Variants in UNC13C observed in about 807,000 individuals in gnomAD.
UNC13C encodes the protein protein unc-13 homolog C.
In UNC13C, 174 loss-of-function variants were observed where a neutral mutation model predicts 245.4. The ratio of observed to expected loss-of-function variants is 0.71; its 90% CI spans 0.63 to 0.80. The LOEUF (loss-of-function observed/expected upper bound fraction) is 0.80. UNC13C is among the 30% of genes least tolerant of loss of function. The probability of loss-of-function intolerance (pLI) is 0.00; values close to 1 mark genes in which losing one functional copy is unlikely to be tolerated. For missense variants in UNC13C, 2,829 were observed against 2,602.9 expected, an observed-to-expected ratio of 1.09 and a Z score of -1.89; for synonymous variants, 992 against 895.1, an observed-to-expected ratio of 1.11 and a Z score of -1.93.
chr15:54,050,054 C>T (rs1193164908), intron 2 of UNC13C: 1 of 307,574 alleles, frequency 3.3e-6, no homozygotes, highest in African/African-American at 2.2e-5. Flanking sequence ...ACTGCAACCT[C>T]CGCCTCCCAG....
intron 13 of UNC13C, among the ~76,000 whole-genome samples, chr15:54,319,232 A>G (rs1212396013): frequency 1.3e-5 from 2 of 150,384 alleles, no homozygotes; most frequent in Non-Finnish European, 3.0e-5. Context: ...TAGGCATTAC[A>G]TTTTCCACAA....
chr15:54,266,721 C>T (rs1385662732), intron 10 of UNC13C, among the ~76,000 whole-genome samples: 2 of 151,982 alleles, frequency 1.3e-5, no homozygotes, highest in African/African-American at 4.8e-5. Context: ...CATATGTGTA[C>T]CTCCTGTCAC....
At chr15:54,364,260 A>G (rs554358120) in intron 17 of UNC13C, among the ~76,000 whole-genome samples, 1 of 151,172 alleles carries the variant, frequency 6.6e-6, no homozygotes, top group East Asian at 2.0e-4. Flanking sequence ...CAAGTGAATT[A>G]GGTAGTCATC....
intron 19 of UNC13C, among the ~76,000 whole-genome samples, chr15:54,479,750 A>T (rs1303215153): frequency 6.6e-6 from 1 of 151,704 alleles, no homozygotes; most frequent in East Asian, 1.9e-4. Context: ...CTACTAGTAA[A>T]TTTTATACTT....
intron 4 of UNC13C, among the ~76,000 whole-genome samples, chr15:54,157,150 T>C (rs1275104699): frequency 1.3e-5 from 2 of 152,226 alleles, no homozygotes; most frequent in African/African-American, 4.8e-5. Flanking sequence ...GTGAATAATG[T>C]CTTTGCTTTT....
At chr15:53,841,262 T>A in the UNC13C span, among the ~76,000 whole-genome samples, 3 of 152,156 alleles carry the variant, frequency 2.0e-5, no homozygotes, top group African/African-American at 7.2e-5. Flanking sequence ...GAGCTAGGAT[T>A]TAATACCAGT....
chr15:54,231,429 G>A (rs181568707), intron 4 of UNC13C, among the ~76,000 whole-genome samples: 20 of 152,108 alleles, frequency 1.3e-4, no homozygotes, highest in African/African-American at 3.9e-4. Context: ...GTCATAAACT[G>A]TGGGCTCAAA....
chr15:54,411,160 T>A (rs916534440), intron 18 of UNC13C, among the ~76,000 whole-genome samples: 3 of 152,234 alleles, frequency 2.0e-5, no homozygotes, highest in African/African-American at 4.8e-5. Flanking sequence ...GAAGTGTCAT[T>A]CAAATCATTT....
At chr15:54,624,012 C>T in intron 32 of UNC13C, 58 bp downstream of exon 32, 6 of 1,597,028 alleles carry the variant, frequency 3.8e-6, no homozygotes. Context: ...TACAGCTGAC[C>T]TTACTGAGGG....
intron 4 of UNC13C, among the ~76,000 whole-genome samples, chr15:54,220,506 T>A (rs2035191001): frequency 6.7e-6 from 1 of 149,576 alleles, no homozygotes; most frequent in African/African-American, 2.5e-5. Flanking sequence ...AAATGACGAG[T>A]TAATGGGTGC....
chr15:54,104,813 T>A (rs1317814251), intron 2 of UNC13C, among the ~76,000 whole-genome samples: 1 of 152,218 alleles, frequency 6.6e-6, no homozygotes, highest in African/African-American at 2.4e-5. Context: ...TGTTTTGTAA[T>A]CCTTATCTCT....
In UNC13C at chr15:54,048,582, T is replaced by A. The variant is rs142296221; in HGVS notation, c.2983+32696T>A. The A allele has an allele frequency of 5.4e-3, 2,165 of 402,380 alleles. 20 individuals are homozygous for A. The highest frequency in any genetic ancestry group is 0.016 in the South Asian group (633 of 38,486). 24.9% of individuals were successfully genotyped at this position (402,380 alleles called of 1,614,324 possible). A position where few individuals can be genotyped will look rare whatever the true frequency, so the allele number is the denominator to read the frequency against. The stretch of plus-strand genomic sequence containing the variant: ...TATAGAATTGATGTACTGAAACTTA[T>A]CAATTTCGCCAATTGCTGCATAGCC... On this transcript the variant is annotated intron_variant, in intron 2 of 32. Transcript: ENST00000260323.
intron 2 of UNC13C, among the ~76,000 whole-genome samples, chr15:54,053,005 A>C (rs904613495): frequency 1.3e-5 from 2 of 152,012 alleles, no homozygotes; most frequent in Non-Finnish European, 2.9e-5. Context: ...TATTGTTATT[A>C]TCTTTTAAGA....
intron 17 of UNC13C, among the ~76,000 whole-genome samples, chr15:54,390,620 G>C (rs2039934387): frequency 6.6e-6 from 1 of 151,708 alleles, no homozygotes; most frequent in Non-Finnish European, 1.5e-5. Flanking sequence ...ATATTTTCTT[G>C]ATATAACAAA....
intron 10 of UNC13C, among the ~76,000 whole-genome samples, chr15:54,282,390 G>A (rs75150368): frequency 1.2e-4 from 18 of 152,210 alleles, no homozygotes; most frequent in African/African-American, 4.1e-4. Flanking sequence ...GTCCCACTGC[G>A]CTCAACCTCT....
intron 4 of UNC13C, among the ~76,000 whole-genome samples, chr15:54,160,761 A>G (rs2032941464): frequency 6.6e-6 from 1 of 151,968 alleles, no homozygotes; most frequent in South Asian, 2.1e-4. Context: ...ATTTAACACA[A>G]TTTATGACAC....
At chr15:54,578,925 C>G (rs1285564607) in intron 30 of UNC13C, among the ~76,000 whole-genome samples, 1 of 152,152 alleles carries the variant, frequency 6.6e-6, no homozygotes, top group African/African-American at 2.4e-5. Context: ...AGTCATCTCA[C>G]CCAAGAGCAA....
chr15:54,591,860 T>C (rs1898809007), intron 30 of UNC13C, among the ~76,000 whole-genome samples: 1 of 152,102 alleles, frequency 6.6e-6, no homozygotes, highest in Admixed American at 6.5e-5. Context: ...GTTCTTGTTT[T>C]TTAGTTCCTT....
At chr15:54,008,936 A>G (rs1463222162) in intron 1 of UNC13C, among the ~76,000 whole-genome samples, 1 of 152,166 alleles carries the variant, frequency 6.6e-6, no homozygotes, top group Non-Finnish European at 1.5e-5. Context: ...TGCCTTTTTT[A>G]AAGAGTTTCT....
Sources: allele counts gnomAD v4.1 joint callset (sites outside exome capture counted in the v4.1 genomes callset), GRCh38; gene constraint gnomAD v4.1.1; transcripts MANE v1.5; gene names NCBI Gene and HGNC (gene_info 2026-07-23, HGNC 2026-07-21).